The following TP63 variants were observed in gnomAD, a reference collection of about 807,000 sequenced individuals.
TP63 encodes tumor protein p63.
A neutral mutation model predicts 82.8 loss-of-function variants in TP63; 17 were observed. The ratio of observed to expected loss-of-function variants is 0.21; its 90% confidence interval spans 0.14 to 0.31. The LOEUF (loss-of-function observed/expected upper bound fraction) is 0.31, where lower values mean the gene tolerates loss of function less well. Ranked by LOEUF, TP63 falls within the 10% of genes least tolerant of loss-of-function variation. The pLI, the probability that TP63 is intolerant of heterozygous loss-of-function variation, is 1.00. For missense variants in TP63, 648 were observed against 895.3 expected (o/e 0.72, Z 3.52); for synonymous variants, 330 against 321.7 (o/e 1.03, Z -0.28).
chr3:189,841,567 CCAAAACAAGCCA>C, intron 4 of TP63, among the ~76,000 whole-genome samples: 4 of 152,248 alleles, frequency 2.6e-5, no homozygotes, highest in Admixed American at 2.6e-4. Flanking sequence ...AAATGAAACT[CCAAAACAAGCCA>C]CAAATCTACC....
chr3:189,744,867 G>A (rs965658438), intron 3 of TP63, among the ~76,000 whole-genome samples: 4 of 152,106 alleles, frequency 2.6e-5, no homozygotes, highest in Non-Finnish European at 5.9e-5. Flanking sequence ...AGGGTCCAAG[G>A]ACAGGCACAC....
At chr3:189,711,877 G>A (rs879785690) in intron 1 of TP63, among the ~76,000 whole-genome samples, 2 of 152,188 alleles carry the variant, frequency 1.3e-5, no homozygotes, top group African/African-American at 4.8e-5. Flanking sequence ...GAGATAGGTA[G>A]GCTGATGGAA....
At chr3:189,641,888 A>AAAAATG (rs1482768332) in intron 1 of TP63, among the ~76,000 whole-genome samples, 8 of 152,282 alleles carry the variant, frequency 5.3e-5, no homozygotes, top group East Asian at 1.9e-4. Context: ...TGCAGATGAG[A>AAAAATG]AAAATGATGC....
intron 1 of TP63, among the ~76,000 whole-genome samples, chr3:189,638,332 A>G (rs1460744513): frequency 6.6e-6 from 1 of 152,128 alleles, no homozygotes; most frequent in African/African-American, 2.4e-5. Flanking sequence ...TATATGAGTG[A>G]AATACAATCC....
chr3:189,604,312 G>T, the TP63 span, among the ~76,000 whole-genome samples: 1 of 152,188 alleles, frequency 6.6e-6, no homozygotes, highest in Non-Finnish European at 1.5e-5. Context: ...GTCTGGCAGA[G>T]AGGTGCTCAT....
the TP63 span, among the ~76,000 whole-genome samples, chr3:189,604,002 A>G: frequency 6.6e-6 from 1 of 152,146 alleles, no homozygotes; most frequent in Non-Finnish European, 1.5e-5. Context: ...TAATGAATAA[A>G]TGGGTAAATA....
intron 1 of TP63, among the ~76,000 whole-genome samples, chr3:189,729,453 T>A (rs1369593768): frequency 6.6e-6 from 1 of 152,096 alleles, no homozygotes; most frequent in Non-Finnish European, 1.5e-5. Context: ...TTTCTGAAGA[T>A]GAAAAGAAGC....
At chr3:189,631,723 G>C in intron 1 of TP63, 146 bp downstream of exon 1, 27 of 1,542,372 alleles carry the variant, frequency 1.8e-5, no homozygotes, top group Non-Finnish European at 2.3e-5. Context: ...GACTTAAAGT[G>C]GTCTGTGGAC....
intron 4 of TP63, among the ~76,000 whole-genome samples, chr3:189,833,018 G>A (rs1318239802): frequency 2.0e-5 from 3 of 152,226 alleles, no homozygotes; most frequent in African/African-American, 7.2e-5. Flanking sequence ...GCAAAGGTGA[G>A]ACTGGATCTT....
rs1162976935 is a variant in TP63, at chr3:189,734,136, CTCCCTCCCTCCG to C, written c.63-3592_63-3581del. Among the ~76,000 whole-genome samples, 192 of 129,720 alleles carry C rather than the reference CTCCCTCCCTCCG, an allele frequency of 1.5e-3. 1 individual carries two copies. The highest frequency in any genetic ancestry group is 2.5e-3 in the Non-Finnish European group (149 of 60,148). 85.1% of individuals were successfully genotyped at this position (129,720 alleles called of 152,430 possible). ...TCTCTCTCTTTCTCTCTTTCCCTCCCTCCCTCCCTCCGTCCCTCCCTCCCTCCCTCCCTTCTT... is the reference window on the plus strand; with the variant it reads ...TCTCTCTCTTTCTCTCTTTCCCTCCCTCCCTCCCTCCCTCCCTCCCTTCTT... On this transcript the variant is annotated intron_variant, in intron 1 of 13. Transcript: ENST00000264731.
At chr3:189,819,525 A>G (rs915702959) in intron 4 of TP63, among the ~76,000 whole-genome samples, 18 of 151,700 alleles carry the variant, frequency 1.2e-4, no homozygotes, top group African/African-American at 4.1e-4. Flanking sequence ...ATTCCTACCT[A>G]TGAGTGAGAA....
chr3:189,810,856 C>A (rs1220163016), intron 4 of TP63, among the ~76,000 whole-genome samples: 1 of 71,018 alleles, frequency 1.4e-5, no homozygotes, highest in East Asian at 2.6e-4. Flanking sequence ...AAGAGTCCGT[C>A]TCCAAAAAAA....
chr3:189,682,536 G>GAAAA (rs375284237), intron 1 of TP63, among the ~76,000 whole-genome samples: 7 of 19,190 alleles, frequency 3.6e-4, no homozygotes, highest in African/African-American at 6.3e-4. Context: ...GTCCTAAGGG[G>GAAAA]AAAAAAAAAA....
the TP63 span, among the ~76,000 whole-genome samples, chr3:189,607,864 C>T: frequency 1.3e-5 from 2 of 152,064 alleles, no homozygotes; most frequent in Non-Finnish European, 2.9e-5. Flanking sequence ...ATATCACATA[C>T]ATTCTTTCAA....
At chr3:189,764,325 C>G (rs1004769225) in intron 3 of TP63, among the ~76,000 whole-genome samples, 2 of 152,118 alleles carry the variant, frequency 1.3e-5, no homozygotes, top group African/African-American at 4.8e-5. Flanking sequence ...GAAACAAGAA[C>G]CATGTTGATA....
At chr3:189,741,506 G>A (rs190698065) in intron 3 of TP63, among the ~76,000 whole-genome samples, 1 of 151,994 alleles carries the variant, frequency 6.6e-6, no homozygotes, top group Non-Finnish European at 1.5e-5. Context: ...TCTTTTCCAC[G>A]TATAGGTTAA....
At chr3:189,722,466 G>C (rs1490076767) in intron 1 of TP63, among the ~76,000 whole-genome samples, 2 of 152,210 alleles carry the variant, frequency 1.3e-5, no homozygotes, top group African/African-American at 2.4e-5. Context: ...TTAGAGCTCA[G>C]GGGAATCAAC....
intron 3 of TP63, among the ~76,000 whole-genome samples, chr3:189,775,299 G>A (rs1380337504): frequency 6.6e-6 from 1 of 150,828 alleles, no homozygotes; most frequent in East Asian, 1.9e-4. Flanking sequence ...GTCATTTGCT[G>A]TTACTGAGTC....
chr3:189,701,831 C>T (rs1399194684), intron 1 of TP63, among the ~76,000 whole-genome samples: 4 of 152,058 alleles, frequency 2.6e-5, no homozygotes, highest in African/African-American at 7.2e-5. Context: ...ACCTGGCCCA[C>T]GGTCATGTTC....
Sources: allele counts gnomAD v4.1 joint callset (sites outside exome capture counted in the v4.1 genomes callset), GRCh38; gene constraint gnomAD v4.1.1; transcripts MANE v1.5; gene names NCBI Gene and HGNC (gene_info 2026-07-23, HGNC 2026-07-21).